The following DTNA variants were observed in gnomAD, a reference collection of about 807,000 sequenced individuals.
DTNA encodes dystrophin-related protein 3.
DTNA carries 43 observed loss-of-function variants against 100.7 expected under a neutral mutation model. The ratio of observed to expected loss-of-function variants is 0.43; its 90% confidence interval spans 0.33 to 0.55. The LOEUF (loss-of-function observed/expected upper bound fraction) is 0.55, where lower values mean the gene tolerates loss of function less well. Among genes scored for constraint, DTNA ranks in the 20% least tolerant of loss-of-function variants. DTNA has a pLI of 0.04. For synonymous variants in DTNA, 349 were observed against 347.9 expected, an observed-to-expected ratio of 1.00 and a Z score of -0.04; for missense variants, 798 against 953.9, an observed-to-expected ratio of 0.84 and a Z score of 2.15.
At chr18:34,867,413 A>AG in intron 17 of DTNA, 2 of 1,227,462 alleles carry the variant, frequency 1.6e-6, no homozygotes, top group Admixed American at 8.5e-5. Flanking sequence ...CCCTGGGTGA[A>AG]GGACACATAA....
At chr18:34,601,786 A>T (rs958548402) in intron 1 of DTNA, among the ~76,000 whole-genome samples, 1 of 152,120 alleles carries the variant, frequency 6.6e-6, no homozygotes, top group African/African-American at 2.4e-5. Flanking sequence ...CTCCACCACT[A>T]TGGAATTCTA....
At chr18:34,864,941 T>C (rs1186489314) in intron 17 of DTNA, among the ~76,000 whole-genome samples, 1 of 152,232 alleles carries the variant, frequency 6.6e-6, no homozygotes, top group Non-Finnish European at 1.5e-5. Context: ...TAAAGCCTTA[T>C]TCCCTTCTTT....
At chr18:34,562,256 A>G (rs547640102) in intron 1 of DTNA, among the ~76,000 whole-genome samples, 1 of 152,234 alleles carries the variant, frequency 6.6e-6, no homozygotes, top group Non-Finnish European at 1.5e-5. Context: ...ATAAATTTTA[A>G]AAAACGAACC....
At chr18:34,741,957 C>T (rs906971534) in intron 1 of DTNA, among the ~76,000 whole-genome samples, 3 of 152,118 alleles carry the variant, frequency 2.0e-5, no homozygotes, top group Non-Finnish European at 2.9e-5. Context: ...CTTCTCTAAG[C>T]CTGAGTTTCC....
chr18:34,856,013 T>C (rs2096548103), intron 15 of DTNA, among the ~76,000 whole-genome samples: 1 of 152,202 alleles, frequency 6.6e-6, no homozygotes, highest in African/African-American at 2.4e-5. Context: ...GGCCATGCCT[T>C]AATATCACTC....
chr18:34,621,017 C>T (rs1441647560), intron 1 of DTNA, among the ~76,000 whole-genome samples: 1 of 151,856 alleles, frequency 6.6e-6, no homozygotes, highest in Non-Finnish European at 1.5e-5. Flanking sequence ...ATTTCAAGTG[C>T]TATTTTTTGT....
chr18:34,690,415 G>T (rs1472316404), intron 1 of DTNA, among the ~76,000 whole-genome samples: 2 of 152,104 alleles, frequency 1.3e-5, no homozygotes, highest in Admixed American at 1.3e-4. Flanking sequence ...GCGCTTCCCG[G>T]GTGAGGCAAT....
At chr18:34,685,480 T>A (rs2078754585) in intron 1 of DTNA, among the ~76,000 whole-genome samples, 1 of 152,228 alleles carries the variant, frequency 6.6e-6, no homozygotes, top group Non-Finnish European at 1.5e-5. Flanking sequence ...AGGGCTCTGT[T>A]CTGTTCCATT....
intron 1 of DTNA, among the ~76,000 whole-genome samples, chr18:34,529,846 C>T (rs1311460531): frequency 6.6e-6 from 1 of 152,080 alleles, no homozygotes; most frequent in Non-Finnish European, 1.5e-5. Flanking sequence ...CAGGGTAGAG[C>T]AAAGAGTATT....
intron 1 of DTNA, among the ~76,000 whole-genome samples, chr18:34,501,714 A>T (rs1246173721): frequency 6.6e-6 from 1 of 152,108 alleles, no homozygotes; most frequent in African/African-American, 2.4e-5. Context: ...ACAGAAATGT[A>T]TTTCCTCACA....
chr18:34,859,759 C>T (rs1242993456), intron 16 of DTNA, among the ~76,000 whole-genome samples: 2 of 151,676 alleles, frequency 1.3e-5, no homozygotes, highest in East Asian at 1.9e-4. Flanking sequence ...CAGATTCTGC[C>T]GCTGCATTTC....
intron 1 of DTNA, among the ~76,000 whole-genome samples, chr18:34,678,309 A>G (rs919806964): frequency 6.6e-6 from 1 of 152,182 alleles, no homozygotes; most frequent in Admixed American, 6.5e-5. Flanking sequence ...AAATCATAGG[A>G]AGCCTGAACC....
At chr18:34,603,911 GA>G (rs1048490033) in intron 1 of DTNA, among the ~76,000 whole-genome samples, 2 of 151,758 alleles carry the variant, frequency 1.3e-5, no homozygotes, top group Non-Finnish European at 2.9e-5. Context: ...AGCTTAAAAA[GA>G]AAAAAATTAT....
At chr18:34,585,919 G>A (rs2049088517) in intron 1 of DTNA, among the ~76,000 whole-genome samples, 1 of 152,150 alleles carries the variant, frequency 6.6e-6, no homozygotes, top group Non-Finnish European at 1.5e-5. Context: ...CTAATTGTTT[G>A]TAAAGAACAT....
rs141805498 is a variant in DTNA, at chr18:34,811,554, C to T, written c.449-405C>T. Among the ~76,000 whole-genome samples, 218 of 152,234 alleles carry T rather than the reference C, an allele frequency of 1.4e-3. 1 individual carries two copies. Among genetic ancestry groups the T allele is most frequent in the African/African-American group, 4.9e-3 (204 of 41,536 alleles). On this transcript the variant is annotated intron_variant, in intron 5 of 22. Transcript: ENST00000444659. Reference sequence around the variant, plus strand: ...ATTTCTAGCTAGATAAATGAATATACGCACACCCCAACTTTATAGTAAAAC... The same window carrying T: ...ATTTCTAGCTAGATAAATGAATATATGCACACCCCAACTTTATAGTAAAAC...
Position 34,793,937 on chromosome 18 carries a change from T to C in DTNA, c.149-100T>C, listed in dbSNP as rs909726242. The stretch of plus-strand genomic sequence containing the variant: ...TGACCCCCTGCAACAGCTGCACACA[T>C]GTGAGATACCTAGAAAAAAACAGGA... On this transcript the variant is annotated intron_variant, in intron 3 of 22. Transcript: ENST00000444659. 9.7e-6 allele frequency: 12 copies of C among 1,240,432 alleles called. No individual in the cohort carries two copies. The African/African-American group carries it at 1.2e-4, about 12-fold the overall frequency. 76.8% of individuals were successfully genotyped at this position (1,240,432 alleles called of 1,614,324 possible).
At chr18:34,584,104 C>T (rs956512319) in intron 1 of DTNA, among the ~76,000 whole-genome samples, 10 of 152,172 alleles carry the variant, frequency 6.6e-5, no homozygotes, top group African/African-American at 2.4e-4. Flanking sequence ...CCAGGCAGAA[C>T]ATTGGAGGGG....
chr18:34,531,242 T>C (rs2043111126), intron 1 of DTNA, among the ~76,000 whole-genome samples: 1 of 152,052 alleles, frequency 6.6e-6, no homozygotes, highest in African/African-American at 2.4e-5. Context: ...CATCATGACC[T>C]AACACTGTTG....
intron 13 of DTNA, among the ~76,000 whole-genome samples, chr18:34,847,876 A>G (rs1215154160): frequency 2.0e-5 from 3 of 152,248 alleles, no homozygotes; most frequent in Non-Finnish European, 2.9e-5. Context: ...ACCAGCAGGT[A>G]GGGATCACTG....
Sources: allele counts gnomAD v4.1 joint callset (sites outside exome capture counted in the v4.1 genomes callset), GRCh38; gene constraint gnomAD v4.1.1; transcripts MANE v1.5; gene names NCBI Gene and HGNC (gene_info 2026-07-23, HGNC 2026-07-21).